HAGH: variants seen among roughly 807,000 people sequenced by gnomAD.
The protein encoded by HAGH is hydroxyacylglutathione hydrolase, mitochondrial.
In HAGH, 29 loss-of-function variants were observed where a neutral mutation model predicts 35.1. That is an observed-to-expected ratio of 0.83 (90% confidence interval 0.62 to 1.13). The LOEUF (loss-of-function observed/expected upper bound fraction) is 1.13. Among genes scored for constraint, HAGH ranks in the 50% most tolerant of loss-of-function variants. The probability of loss-of-function intolerance (pLI) is 0.00; values close to 1 mark genes in which losing one functional copy is unlikely to be tolerated. For missense variants in HAGH, 478 were observed against 419.6 expected, an observed-to-expected ratio of 1.14 and a Z score of -1.22; for synonymous variants, 225 against 176.1, an observed-to-expected ratio of 1.28 and a Z score of -2.20.
At chr16:1,826,193 G>C (rs1161211822) in intron 1 of HAGH, among the ~76,000 whole-genome samples, 1 of 151,990 alleles carries the variant, frequency 6.6e-6, no homozygotes, top group African/African-American at 2.4e-5. Context: ...GCACCCGCCC[G>C]GGGCGCTGGC....
chr16:1,817,760 G>A (rs548685444), intron 5 of HAGH, among the ~76,000 whole-genome samples: 12 of 152,218 alleles, frequency 7.9e-5, no homozygotes, highest in Admixed American at 1.3e-4. Flanking sequence ...GGCTCCTTCC[G>A]GCCTCGGCCT....
At position 1,819,043 on chromosome 16, in the gene HAGH, G is replaced by C. The variant is rs55880916; in HGVS notation, c.541+72C>G. 7 of 970,452 alleles carry C rather than the reference G, an allele frequency of 7.2e-6. No individual in the cohort carries two copies. In the African/African-American group the frequency reaches 1.1e-4, roughly 16 times the overall value. The allele number at this position is 970,452 out of a possible 1,614,324, so 60.1% of individuals were successfully genotyped here. On this transcript the variant is annotated intron_variant, in intron 5 of 8. Transcript: ENST00000397356. ...ACAGAGAAGGCCACGAAGCTGCCCCGTGAGCCTGCCTGGCAGGAGACACAG... is the reference window on the plus strand; with the variant it reads ...ACAGAGAAGGCCACGAAGCTGCCCCCTGAGCCTGCCTGGCAGGAGACACAG...
chr16:1,822,819 G>A (rs369480307), intron 2 of HAGH, 46 bp downstream of exon 2: 102 of 1,565,566 alleles, frequency 6.5e-5, no homozygotes, highest in East Asian at 2.5e-4. Flanking sequence ...TGAGGACTCC[G>A]AGCTGGGTGA....
At chr16:1,810,102 C>T in intron 7 of HAGH, 1 of 472,962 alleles carries the variant, frequency 2.1e-6, no homozygotes, top group South Asian at 2.2e-5. Context: ...GTCGAGGCTA[C>T]AGTGAGCCAA....
chr16:1,814,937 AC>A lies in HAGH; in HGVS notation c.747+1955del, dbSNP rs1567254700. 4.2e-5 allele frequency among the ~76,000 whole-genome samples: 6 copies of A among 141,482 alleles called. No individual in the cohort carries two copies. In the East Asian group the frequency reaches 1.0e-3, roughly 24 times the overall value. The allele number at this position is 141,482 out of a possible 152,430, so 92.8% of individuals were successfully genotyped here. ...TAAATATATATATGTATATACACAC[AC>A]ACACACACACACACACACATATATA... On this transcript the variant is annotated intron_variant, in intron 7 of 8. Coordinates refer to ENST00000397356, the MANE Select transcript of HAGH (RefSeq NM_005326.6).
chr16:1,821,994 C>T, intron 3 of HAGH: 1 of 293,814 alleles, frequency 3.4e-6, no homozygotes, highest in Non-Finnish European at 6.4e-6. Flanking sequence ...AGACTCATTT[C>T]CTCCCCAACA....
chr16:1,808,329 C>G lies in HAGH; in HGVS notation c.*954G>C, dbSNP rs1164438497. On this transcript the variant is annotated 3_prime_UTR_variant, in exon 9 of 9. Transcript: ENST00000397356. ...TATTTTTTTTTTTTTGAGACAGAGT[C>G]TTGCTCTGTCTCCCAGGCTGGAGTG... is the stretch of plus-strand genomic sequence containing the variant. The G allele has an allele frequency of 6.6e-6, 1 of 150,816 alleles. No individual in the cohort carries two copies. Among genetic ancestry groups the G allele is most frequent in the Non-Finnish European group, 1.5e-5 (1 of 67,758 alleles). The allele number at this position is 150,816 out of a possible 1,614,324, so 9.3% of individuals were successfully genotyped here.
At chr16:1,814,702 T>A (rs1362162513) in intron 7 of HAGH, among the ~76,000 whole-genome samples, 22 of 151,832 alleles carry the variant, frequency 1.4e-4, no homozygotes, top group African/African-American at 5.1e-4. Flanking sequence ...GATCGAGACC[T>A]TCCTGGATAA....
chr16:1,821,942 TTG>T (rs368880166), intron 3 of HAGH: 86,259 of 159,498 alleles, frequency 0.54, 24,196 homozygotes, highest in Admixed American at 0.6. Context: ...TTGTTTTTTT[TTG>T]TTTTTTTGTT....
chr16:1,820,792 C>T (rs753244438), intron 3 of HAGH, among the ~76,000 whole-genome samples: 1 of 152,154 alleles, frequency 6.6e-6, no homozygotes, highest in Non-Finnish European at 1.5e-5. Flanking sequence ...GAGTGGTGGC[C>T]GCTGCCCTCT....
At chr16:1,812,198 CAAAAA>C (rs763735556) in intron 7 of HAGH, among the ~76,000 whole-genome samples, 3 of 110,666 alleles carry the variant, frequency 2.7e-5, no homozygotes, top group Admixed American at 1.0e-4. Context: ...TCTCCCCAAC[CAAAAA>C]AAAAAAAAAA....
intron 5 of HAGH, among the ~76,000 whole-genome samples, chr16:1,817,953 C>G (rs572383920): frequency 6.6e-6 from 1 of 152,384 alleles, no homozygotes; most frequent in East Asian, 1.9e-4. Context: ...CTTCTCACCA[C>G]CTGGGGCAGA....
chr16:1,824,274 G>A (rs1567264030), intron 1 of HAGH, among the ~76,000 whole-genome samples: 1 of 151,682 alleles, frequency 6.6e-6, no homozygotes. Flanking sequence ...ACGAATCTGA[G>A]ATATGCACAA....
At chr16:1,811,375 C>A (rs945200921) in intron 7 of HAGH, among the ~76,000 whole-genome samples, 1 of 152,064 alleles carries the variant, frequency 6.6e-6, no homozygotes, top group Non-Finnish European at 1.5e-5. Context: ...GACCATGCCA[C>A]TGCACTCCAG....
intron 5 of HAGH, chr16:1,818,601 G>A (rs1343202083): frequency 6.5e-6 from 1 of 153,764 alleles, no homozygotes; most frequent in Non-Finnish European, 1.4e-5. Flanking sequence ...AAGCACGGGA[G>A]GCAGCCCCCA....
intron 7 of HAGH, among the ~76,000 whole-genome samples, chr16:1,812,856 C>T (rs1163933022): frequency 6.6e-6 from 1 of 152,116 alleles, no homozygotes; most frequent in Non-Finnish European, 1.5e-5. Context: ...CACCTCCTTT[C>T]AAACGGCTGG....
rs367936978 is a variant in HAGH at position 1,822,378 on chromosome 16, G to A, written c.250-14C>T. Reference sequence around the variant, plus strand: ...CGCGTCCACGACCTGCAGTGGCCCCGGGGAAGGACAAAGGCCTGTCACACT... The same window carrying A: ...CGCGTCCACGACCTGCAGTGGCCCCAGGGAAGGACAAAGGCCTGTCACACT... On this transcript the variant is annotated splice_polypyrimidine_tract_variant and intron_variant, in intron 2 of 8. Coordinates refer to ENST00000397356, the MANE Select transcript of HAGH (RefSeq NM_005326.6). 2.4e-5 allele frequency: 38 copies of A among 1,599,870 alleles called. 1 individual carries two copies. The highest frequency in any genetic ancestry group is 2.2e-4 in the Admixed American group (13 of 59,996).
intron 5 of HAGH, among the ~76,000 whole-genome samples, chr16:1,817,634 G>C (rs1401364321): frequency 6.6e-6 from 1 of 152,196 alleles, no homozygotes; most frequent in African/African-American, 2.4e-5. Flanking sequence ...CTTGGCCCCA[G>C]CAGCCAGCGC....
At chr16:1,825,260 G>T (rs1013342419) in intron 1 of HAGH, among the ~76,000 whole-genome samples, 2 of 152,328 alleles carry the variant, frequency 1.3e-5, no homozygotes, top group South Asian at 2.1e-4. Flanking sequence ...AGAGGTTGCA[G>T]TGAGCCGAGA....
Sources: allele counts gnomAD v4.1 joint callset (sites outside exome capture counted in the v4.1 genomes callset), GRCh38; gene constraint gnomAD v4.1.1; transcripts MANE v1.5; gene names NCBI Gene and HGNC (gene_info 2026-07-23, HGNC 2026-07-21).